Variants in ARHGEF4 observed in about 807,000 individuals in gnomAD.
The protein encoded by ARHGEF4 is APC-stimulated guanine nucleotide exchange factor 1.
ARHGEF4 carries 119 observed loss-of-function variants against 162.0 expected under a neutral mutation model. That is an observed-to-expected ratio of 0.73 (90% CI 0.63 to 0.86). The LOEUF (loss-of-function observed/expected upper bound fraction) is 0.86. Among genes scored for constraint, ARHGEF4 ranks in the 40% least tolerant of loss-of-function variants. The probability of loss-of-function intolerance (pLI) is 0.00; values close to 1 mark genes in which losing one functional copy is unlikely to be tolerated. For missense variants in ARHGEF4, 2,488 were observed against 2,456.0 expected, an observed-to-expected ratio of 1.01 and a Z score of -0.28; for synonymous variants, 1,014 against 979.9, an observed-to-expected ratio of 1.03 and a Z score of -0.65.
At chr2:130,952,161 C>T (rs1683997051) in intron 4 of ARHGEF4, among the ~76,000 whole-genome samples, 1 of 152,090 alleles carries the variant, frequency 6.6e-6, no homozygotes, top group African/African-American at 2.4e-5. Flanking sequence ...GGGTCACTTG[C>T]TTTCAGTCTA....
intron 4 of ARHGEF4, among the ~76,000 whole-genome samples, chr2:131,024,196 G>T (rs1379550059): frequency 6.6e-6 from 1 of 151,466 alleles, no homozygotes; most frequent in Non-Finnish European, 1.5e-5. Flanking sequence ...GCACAGTGCC[G>T]TCTGTACTAT....
chr2:130,855,035 G>A (rs1681672548), intron 1 of ARHGEF4, among the ~76,000 whole-genome samples: 1 of 147,616 alleles, frequency 6.8e-6, no homozygotes, highest in African/African-American at 2.5e-5. Flanking sequence ...GACCACGCCC[G>A]GCAAATTTTT....
At chr2:131,044,190 G>A in intron 11 of ARHGEF4, 109 bp from the exon 12 acceptor site, 1 of 1,472,722 alleles carries the variant, frequency 6.8e-7, no homozygotes, top group Non-Finnish European at 9.2e-7. Context: ...CTGGGGAGGT[G>A]GAGGCATCAC....
chr2:130,985,135 G>A (rs1395901422), intron 4 of ARHGEF4, among the ~76,000 whole-genome samples: 1 of 152,192 alleles, frequency 6.6e-6, no homozygotes, highest in Admixed American at 6.5e-5. Flanking sequence ...CTCTTTGGAT[G>A]TAGAGGTGCT....
chr2:130,891,795 C>G (rs942688276), intron 1 of ARHGEF4, among the ~76,000 whole-genome samples: 1 of 152,136 alleles, frequency 6.6e-6, no homozygotes, highest in African/African-American at 2.4e-5. Flanking sequence ...GCTCTGTCTC[C>G]AAATGCAGTC....
chr2:130,948,911 C>CTTTCT (rs767128760), intron 4 of ARHGEF4, among the ~76,000 whole-genome samples: 12 of 152,284 alleles, frequency 7.9e-5, no homozygotes, highest in Non-Finnish European at 1.5e-4. Context: ...CTTAGGAAAG[C>CTTTCT]TTTCTTTTCT....
chr2:130,915,549 G>T lies in ARHGEF4; in HGVS notation c.1603G>T (p.Val535Leu), dbSNP rs757399946. The T allele has an allele frequency of 1.4e-5, 21 of 1,550,504 alleles. No homozygotes were observed. The African/African-American group carries it at 2.2e-4, about 16-fold the overall frequency. ...PRQPSSEGTQVWSGDLMGCLE... is the reference protein window; with the variant it reads ...PRQPSSEGTQLWSGDLMGCLE... ...GCAGCCTAGCAGTGAGGGGACCCAG[G>T]TGTGGAGTGGAGACTTGATGGGCTG... The change falls in exon 2 of 14, where the codon GTG (valine) becomes TTG (leucine). Residue 535 changes from valine (V) to leucine (L), a missense_variant. Transcript: ENST00000409359.
At chr2:130,933,250 G>A (rs1202096765) in intron 3 of ARHGEF4, among the ~76,000 whole-genome samples, 1 of 151,784 alleles carries the variant, frequency 6.6e-6, no homozygotes, top group African/African-American at 2.4e-5. Context: ...CCTTAGATGT[G>A]TGGGTGTATT....
At chr2:131,035,974 G>A (rs1297548421) in intron 5 of ARHGEF4, 1 of 598,444 alleles carries the variant, frequency 1.7e-6, no homozygotes, top group Non-Finnish European at 2.1e-6. Context: ...TGGGCTATTT[G>A]AGTCTCAAAT....
At chr2:130,965,965 A>G (rs1343691105) in intron 4 of ARHGEF4, among the ~76,000 whole-genome samples, 2 of 152,160 alleles carry the variant, frequency 1.3e-5, no homozygotes, top group Non-Finnish European at 2.9e-5. Flanking sequence ...CGGCAATGGC[A>G]GGGCAGGGTT....
At position 131,040,253 on chromosome 2, in the gene ARHGEF4, GC is replaced by G. The variant is rs1302450719; in HGVS notation, c.4483-5del. ...GGTCGGGGGAGGCCTAACCACGTCC[GC>G]CCGCAGGGCTACGTCCGGCAGTGCC... On this transcript the variant is annotated splice_region_variant and splice_polypyrimidine_tract_variant and intron_variant, in intron 7 of 13. Coordinates refer to ENST00000409359, the MANE Select transcript of ARHGEF4 (RefSeq NM_001367493.1). The G allele has an allele frequency of 6.2e-7, 1 of 1,611,728 alleles. No individual in the cohort carries two copies. Among genetic ancestry groups the G allele is most frequent in the Non-Finnish European group, 8.5e-7 (1 of 1,179,218 alleles).
In ARHGEF4 at chr2:130,914,003, A is replaced by T. The variant is rs1246206383; in HGVS notation, c.57A>T (p.Ala19=). ...RSFFKTPEPG[A]HLPGEGEIED... ...CCTCCCAGACTCCAGAGCCAGGTGC[A>T]CACCTGCCAGGTGAAGGTGAGATTG... Residue 19 remains alanine (A), a synonymous_variant, in exon 2 of 14, where the codon GCA becomes GCT. Transcript: ENST00000409359. The T allele has an allele frequency of 1.3e-6, 2 of 1,535,962 alleles. No homozygotes were observed. Among genetic ancestry groups the T allele is most frequent in the Non-Finnish European group, 1.7e-6 (2 of 1,146,924 alleles).
intron 1 of ARHGEF4, among the ~76,000 whole-genome samples, chr2:130,870,789 G>A (rs1678424869): frequency 6.6e-6 from 1 of 152,148 alleles, no homozygotes; most frequent in African/African-American, 2.4e-5. Flanking sequence ...GCGAGACATG[G>A]GGGTTGGCGG....
At chr2:130,944,630 TCTG>T (rs1317080167) in intron 3 of ARHGEF4, among the ~76,000 whole-genome samples, 2 of 152,246 alleles carry the variant, frequency 1.3e-5, no homozygotes. Flanking sequence ...TATCTATTTA[TCTG>T]CTATTATTTT....
At chr2:130,845,077 C>A (rs1680863283) in intron 1 of ARHGEF4, among the ~76,000 whole-genome samples, 2 of 151,800 alleles carry the variant, frequency 1.3e-5, no homozygotes, top group South Asian at 4.2e-4. Context: ...CCTCCTCAGC[C>A]TCCCAAAGTG....
At chr2:131,036,478 CA>C (rs889423582) in intron 5 of ARHGEF4, among the ~76,000 whole-genome samples, 3 of 152,300 alleles carry the variant, frequency 2.0e-5, no homozygotes, top group African/African-American at 7.2e-5. Flanking sequence ...CTGGGCAGGA[CA>C]AGTGTGGGGC....
chr2:130,882,215 A>G (rs1463052756), intron 1 of ARHGEF4, among the ~76,000 whole-genome samples: 1 of 152,082 alleles, frequency 6.6e-6, no homozygotes, highest in Non-Finnish European at 1.5e-5. Context: ...AGAGGAAATC[A>G]TTTAGGAAGC....
rs1436560669 is a variant in ARHGEF4 at position 130,916,739 on chromosome 2, T to G, written c.2793T>G (p.His931Gln). 6.4e-7 allele frequency: 1 copy of G among 1,550,610 alleles called. No homozygotes were observed. The highest frequency in any genetic ancestry group is 8.7e-7 in the Non-Finnish European group (1 of 1,147,012). Residue 931 changes from histidine to glutamine, a missense_variant, in exon 2 of 14, where the codon CAT (histidine) becomes CAG (glutamine). By Grantham distance (24) the His-to-Gln change is conservative. This residue lies in a region of ARHGEF4 where 1,642 missense variants were observed against 1,481.5 expected (regional missense o/e 1.11). Transcript: ENST00000409359. ...TAGTTCTAGAGAAAGAGAACACCCA[T>G]GAACGTTCCCCAAGTTCTCCCAAGG... ...ESIVLEKENT[H>Q]ERSPSSPKGE...
At chr2:130,930,307 G>C (rs779011454) in intron 2 of ARHGEF4, among the ~76,000 whole-genome samples, 1 of 152,170 alleles carries the variant, frequency 6.6e-6, no homozygotes, top group African/African-American at 2.4e-5. Flanking sequence ...ATAGGGGATC[G>C]TTAGACTTGG....
Sources: allele counts gnomAD v4.1 joint callset (sites outside exome capture counted in the v4.1 genomes callset), GRCh38; gene constraint gnomAD v4.1.1; regional missense constraint gnomAD v4.1.1; transcripts MANE v1.5; gene names NCBI Gene and HGNC (gene_info 2026-07-23, HGNC 2026-07-21).